The following CLPX variants were observed in gnomAD, a reference collection of about 807,000 sequenced individuals.
CLPX encodes the protein caseinolytic mitochondrial matrix peptidase chaperone subunit X.
In CLPX, 34 loss-of-function variants were observed where a neutral mutation model predicts 76.4. That is an observed-to-expected ratio of 0.45 (90% CI 0.34 to 0.59). The LOEUF (loss-of-function observed/expected upper bound fraction) is 0.59, where lower values mean the gene tolerates loss of function less well. Among genes scored for constraint, CLPX ranks in the 20% least tolerant of loss-of-function variants. The pLI is 0.01. For missense variants in CLPX, 613 were observed against 757.0 expected (o/e 0.81, Z 2.23); for synonymous variants, 248 against 270.9 (o/e 0.92, Z 0.83).
chr15:65,174,214 C>A (rs909228283), intron 3 of CLPX, among the ~76,000 whole-genome samples: 4 of 151,722 alleles, frequency 2.6e-5, no homozygotes, highest in African/African-American at 9.7e-5. Context: ...ACCTCGTGAT[C>A]CACCCACCTT....
chr15:65,158,499 G>T, intron 7 of CLPX, 76 bp downstream of exon 7: 1 of 1,237,052 alleles, frequency 8.1e-7, no homozygotes, highest in Non-Finnish European at 1.1e-6. Flanking sequence ...TACTTCAATC[G>T]CAAGATACAG....
chr15:65,155,561 G>A (rs2087778180), intron 10 of CLPX, 131 bp downstream of exon 10: 1 of 764,796 alleles, frequency 1.3e-6, no homozygotes, highest in African/African-American at 1.8e-5. Flanking sequence ...GTATATTTCT[G>A]ATATGCTCTA....
chr15:65,162,169 C>T (rs781397118), intron 6 of CLPX, among the ~76,000 whole-genome samples: 4 of 152,050 alleles, frequency 2.6e-5, no homozygotes, highest in South Asian at 2.1e-4. Context: ...CACCCTCCAT[C>T]GGACCATCTG....
At chr15:65,164,676 T>C (rs183397044) in intron 4 of CLPX, among the ~76,000 whole-genome samples, 59 of 152,366 alleles carry the variant, frequency 3.9e-4, no homozygotes, top group African/African-American at 1.3e-3. Context: ...TCAGTATCTA[T>C]GTGTTTTAGT....
intron 3 of CLPX, among the ~76,000 whole-genome samples, chr15:65,171,979 T>G (rs921296078): frequency 6.6e-6 from 1 of 152,198 alleles, no homozygotes; most frequent in African/African-American, 2.4e-5. Context: ...AATACAAGCA[T>G]TGCAATGCAC....
intron 13 of CLPX, 106 bp from the exon 14 acceptor site, chr15:65,151,019 A>G: frequency 1.5e-6 from 1 of 686,490 alleles, no homozygotes; most frequent in Non-Finnish European, 2.5e-6. Context: ...GAAAGCCACG[A>G]TAATAGAAAA....
chr15:65,150,416 G>C lies in CLPX; in HGVS notation c.*407C>G, dbSNP rs2087704661. On this transcript the variant is annotated 3_prime_UTR_variant, in exon 14 of 14. Coordinates refer to ENST00000300107, the MANE Select transcript of CLPX (RefSeq NM_006660.5). The stretch of plus-strand genomic sequence containing the variant: ...CCAATATTTTCAGAAACACATGTGG[G>C]TAAAAAAGGTAACACTAAAGAATGG... 6.5e-6 allele frequency: 1 copy of C among 153,394 alleles called. No individual in the cohort carries two copies. Among genetic ancestry groups the C allele is most frequent in the Non-Finnish European group, 1.5e-5 (1 of 68,604 alleles). 9.5% of individuals were successfully genotyped at this position (153,394 alleles called of 1,614,324 possible). A position where few individuals can be genotyped will look rare whatever the true frequency, so the allele number is the denominator to read the frequency against.
chr15:65,152,441 T>G lies in CLPX; in HGVS notation c.1800A>C (p.Pro600=). Residue 600 remains proline, a synonymous_variant, in exon 13 of 14, where the codon CCA becomes CCC. Transcript: ENST00000300107. The part of the protein sequence containing the change: ...DKEVVEGKKE[P]GYIRAPTKES... The stretch of plus-strand genomic sequence containing the variant: ...AAAATACACTTTACCGGATGTATCC[T>G]GGTTCCTTTTTTCCTTCTACTACTT... 6.5e-7 allele frequency: 1 copy of G among 1,534,362 alleles called. No individual in the cohort carries two copies. Among genetic ancestry groups the G allele is most frequent in the Non-Finnish European group, 8.8e-7 (1 of 1,135,500 alleles).
chr15:65,165,349 C>T (rs2087896801), intron 4 of CLPX, among the ~76,000 whole-genome samples: 2 of 148,344 alleles, frequency 1.3e-5, no homozygotes, highest in East Asian at 2.0e-4. Context: ...AATTCAAAAA[C>T]TCCTGAAATT....
chr15:65,174,936 T>C (rs954739161), intron 3 of CLPX, among the ~76,000 whole-genome samples: 3 of 152,114 alleles, frequency 2.0e-5, no homozygotes, highest in African/African-American at 7.2e-5. Flanking sequence ...TTTGCAAAAA[T>C]ATGAATATGC....
At chr15:65,154,281 C>T (rs1595936218) in intron 11 of CLPX, among the ~76,000 whole-genome samples, 1 of 152,032 alleles carries the variant, frequency 6.6e-6, no homozygotes, top group African/African-American at 2.4e-5. Flanking sequence ...ATCAAAGGGG[C>T]TTGACTTGAG....
At chr15:65,167,434 G>T (rs1396726078) in intron 3 of CLPX, among the ~76,000 whole-genome samples, 2 of 151,920 alleles carry the variant, frequency 1.3e-5, no homozygotes, top group African/African-American at 4.8e-5. Flanking sequence ...TGAAATACTT[G>T]AATGAACAAA....
In CLPX at chr15:65,179,158, T is replaced by C. The variant is rs2088129963; in HGVS notation, c.241-107A>G. 5.0e-6 allele frequency: 3 copies of C among 599,408 alleles called. No individual in the cohort carries two copies. The South Asian group carries it at 6.9e-5, about 14-fold the overall frequency. 37.1% of individuals were successfully genotyped at this position (599,408 alleles called of 1,614,324 possible). ...GTAATTAATTTTATAATCTTCTATA[T>C]TTCTAGGATGAAATTATTAGTATAT... On this transcript the variant is annotated intron_variant, in intron 2 of 13. Coordinates refer to ENST00000300107, the MANE Select transcript of CLPX (RefSeq NM_006660.5).
rs2087995302 is a variant in CLPX, at chr15:65,170,899, T to C, written c.359-4114A>G. On this transcript the variant is annotated intron_variant, in intron 3 of 13. Coordinates refer to ENST00000300107, the MANE Select transcript of CLPX (RefSeq NM_006660.5). ...GTGCAGTGGCACGATCTGGGCTCAC[T>C]GCAACCTCCGCCTCCTGGGTCCAAG... Among the ~76,000 whole-genome samples, 8 of 137,688 alleles carry C rather than the reference T, an allele frequency of 5.8e-5. No individual in the cohort carries two copies. In the Admixed American group the frequency reaches 6.3e-4, roughly 11 times the overall value. The allele number at this position is 137,688 out of a possible 152,430, so 90.3% of individuals were successfully genotyped here.
rs775118209 is a variant in CLPX, at chr15:65,154,858, T to C, written c.1535A>G (p.Lys512Arg). The change falls in exon 11 of 14, where the codon AAA becomes AGA. Residue 512 changes from lysine (K) to arginine (R), a missense_variant. Physicochemically the swap from Lys to Arg is conservative, Grantham distance 26. Transcript: ENST00000300107. ...CTCAGTTAATATTTGTACAAGTGTT[T>C]TCTCATCTAGGCTATGCAATGGAAC... is the stretch of plus-strand genomic sequence containing the variant. The part of the protein sequence containing the change: ...VVVPLHSLDE[K>R]TLVQILTEPR... The C allele has an allele frequency of 1.2e-6, 2 of 1,614,156 alleles. No homozygotes were observed. Among genetic ancestry groups the C allele is most frequent in the Non-Finnish European group, 1.7e-6 (2 of 1,179,990 alleles).
Position 65,179,086 on chromosome 15 carries a change from C to A in CLPX, c.241-35G>T. The A allele has an allele frequency of 3.7e-6, 5 of 1,338,826 alleles. No individual in the cohort carries two copies. The South Asian group carries it at 4.8e-5, about 13-fold the overall frequency. The allele number at this position is 1,338,826 out of a possible 1,614,324, so 82.9% of individuals were successfully genotyped here. On this transcript the variant is annotated intron_variant, in intron 2 of 13. Coordinates refer to ENST00000300107, the MANE Select transcript of CLPX (RefSeq NM_006660.5). ...ATGAAGGAGAAAAAAGGAAGAGTGT[C>A]AATTATTAGTTTCAGGCAACCAACT...
intron 1 of CLPX, among the ~76,000 whole-genome samples, chr15:65,184,841 C>A (rs1229307180): frequency 6.6e-6 from 1 of 152,274 alleles, no homozygotes; most frequent in Non-Finnish European, 1.5e-5. Flanking sequence ...GGCCTGAAAG[C>A]GTGCAGGCAG....
chr15:65,164,217 AAT>A lies in CLPX; in HGVS notation c.514-31_514-30del, dbSNP rs565121177. On this transcript the variant is annotated intron_variant, in intron 4 of 13. Transcript: ENST00000300107. ...AAAAATGATTAGGTATGAATAATTT[AAT>A]ATGAGCTATTATAAGAGCACACACA... 1.2e-4 allele frequency: 186 copies of A among 1,553,270 alleles called. No homozygotes were observed. In the African/African-American group the frequency reaches 2.3e-3, roughly 20 times the overall value.
At chr15:65,158,968 A>AT (rs1420073095) in intron 6 of CLPX, among the ~76,000 whole-genome samples, 2 of 152,082 alleles carry the variant, frequency 1.3e-5, no homozygotes, top group Non-Finnish European at 2.9e-5. Flanking sequence ...AAGGAAATTG[A>AT]TTTTTTTTAC....
Sources: gnomAD v4.1 joint callset for allele counts (sites outside exome capture counted in the v4.1 genomes callset) on GRCh38, gnomAD v4.1.1 for gene constraint, MANE v1.5 for transcripts, NCBI Gene and HGNC (gene_info 2026-07-23, HGNC 2026-07-21) for gene names.